The following ANGEL2 variants were observed in gnomAD, a reference collection of about 807,000 sequenced individuals.
ANGEL2 encodes RNA 2',3'-cyclic phosphatase ANGEL2.
A neutral mutation model predicts 66.0 loss-of-function variants in ANGEL2; 41 were observed. That is an observed-to-expected ratio of 0.62 (90% CI 0.48 to 0.81). The LOEUF is 0.81. Ranked by LOEUF, ANGEL2 falls within the 30% of genes least tolerant of loss-of-function variation. The probability of loss-of-function intolerance (pLI) is 0.00; values close to 1 mark genes in which losing one functional copy is unlikely to be tolerated. For synonymous variants in ANGEL2, 208 were observed against 226.5 expected (o/e 0.92, Z 0.73); for missense variants, 561 against 641.6 (o/e 0.87, Z 1.36).
rs193189453 is a variant in ANGEL2 at position 213,000,751 on chromosome 1, C to T, written c.1261+35G>A. 2.6e-3 allele frequency: 4,159 copies of T among 1,577,442 alleles called. 64 individuals are homozygous for T. The South Asian group carries it at 0.028, about 11-fold the overall frequency. On this transcript the variant is annotated intron_variant, in intron 6 of 8. Transcript: ENST00000366962. The stretch of plus-strand genomic sequence containing the variant: ...ATGTCTTCAAAGGGAACATGATTAC[C>T]CAGCAGACTGCCAAAATGTATTACA...
At chr1:213,004,472 G>A (rs1379792932) in intron 5 of ANGEL2, among the ~76,000 whole-genome samples, 2 of 151,306 alleles carry the variant, frequency 1.3e-5, no homozygotes, top group Non-Finnish European at 2.9e-5. Flanking sequence ...AAGTATCCAT[G>A]TCTGTCAATA....
At chr1:213,014,662 C>T (rs549614693) in intron 1 of ANGEL2, among the ~76,000 whole-genome samples, 1 of 152,240 alleles carries the variant, frequency 6.6e-6, no homozygotes, top group Non-Finnish European at 1.5e-5. Flanking sequence ...ATGTTAAGCT[C>T]CTTCAGGGCC....
rs1322288499 is a variant in ANGEL2, at chr1:212,997,212, T to C, written c.1426A>G (p.Ile476Val). The C allele has an allele frequency of 8.1e-6, 13 of 1,614,094 alleles. No individual in the cohort carries two copies. The highest frequency in any genetic ancestry group is 5.0e-5 in the Admixed American group (3 of 60,018). Residue 476 changes from isoleucine to valine, a missense_variant, in exon 8 of 9, where the codon ATA becomes GTA. By Grantham distance (29) the Ile-to-Val change is conservative. Transcript: ENST00000366962. ...GAGTAGAAAATATAATCCACAGTTA[T>C]GGCACTTCGGGAATGACAGGTGGTC... ...EVTTCHSRSA[I>V]TVDYIFYSAE...
chr1:213,001,154 A>G (rs2076167822), intron 5 of ANGEL2: 3 of 445,908 alleles, frequency 6.7e-6, no homozygotes, highest in Non-Finnish European at 1.2e-5. Flanking sequence ...TAATTTGGAC[A>G]TACAAATCAT....
chr1:213,011,290 TTTAGG>T (rs2076502259), intron 2 of ANGEL2: 2 of 1,279,862 alleles, frequency 1.6e-6, no homozygotes, highest in Non-Finnish European at 2.0e-6. Context: ...TGATCAGGTT[TTTAGG>T]GTGCCTAATT....
chr1:213,008,190 C>T lies in ANGEL2; in HGVS notation c.642+20G>A, dbSNP rs1297453268. 6.2e-7 allele frequency: 1 copy of T among 1,602,784 alleles called. No homozygotes were observed. Among genetic ancestry groups the T allele is most frequent in the Non-Finnish European group, 8.5e-7 (1 of 1,173,552 alleles). ...CAACTTTTTCTTATGTGAAGAATTT[C>T]AATAATATTTTGCACTTACGTCTGC... On this transcript the variant is annotated intron_variant, in intron 3 of 8. Coordinates refer to ENST00000366962, the MANE Select transcript of ANGEL2 (RefSeq NM_144567.5).
At chr1:212,995,860 C>T (rs1049110885) in intron 8 of ANGEL2, among the ~76,000 whole-genome samples, 1 of 151,620 alleles carries the variant, frequency 6.6e-6, no homozygotes, top group African/African-American at 2.4e-5. Context: ...GAAAAAGAAG[C>T]ATCCAAAAAA....
In ANGEL2 at chr1:213,000,802, T is replaced by C; in HGVS notation, c.1245A>G (p.Pro415=). The change falls in exon 6 of 9, where the codon CCA becomes CCG. Residue 415 remains proline, a synonymous_variant. Transcript: ENST00000366962. ...AACACTTACCTGTCTTTTCTACTTT[T>C]GGTACCTGCTGTACCTCATACACAC... ...QNCVYEVQQV[P]KVEKTDSDLT... The C allele has an allele frequency of 6.2e-7, 1 of 1,606,346 alleles. No individual in the cohort carries two copies.
chr1:212,998,174 T>C lies in ANGEL2; in HGVS notation c.1320-856A>G, dbSNP rs373663182. ...GGGAAGCCAAGGCGGGAAGATTGCT[T>C]GAGCTCAGGAGCTCGAGACCAGCCT... On this transcript the variant is annotated intron_variant, in intron 7 of 8. Transcript: ENST00000366962. Among the ~76,000 whole-genome samples the C allele has an allele frequency of 9.9e-5, 15 of 151,410 alleles. No homozygotes were observed. The South Asian group carries it at 3.1e-3, about 32-fold the overall frequency.
chr1:213,015,513 T>TC, intron 1 of ANGEL2, 100 bp downstream of exon 1: 5 of 1,002,092 alleles, frequency 5.0e-6, no homozygotes, highest in South Asian at 3.0e-5. Flanking sequence ...CTTCCACCCC[T>TC]AGCCCGCCCC....
chr1:213,000,471 T>A (rs369007535), intron 6 of ANGEL2, 88 bp from the exon 7 acceptor site: 2 of 1,189,968 alleles, frequency 1.7e-6, no homozygotes, highest in African/African-American at 3.1e-5. Flanking sequence ...ATTTAAGACT[T>A]ATCTAGGTTA....
At position 213,015,639 on chromosome 1, in the gene ANGEL2, G is replaced by A. The variant is rs908844293; in HGVS notation, c.33C>T (p.Tyr11=). Residue 11 remains tyrosine (Y), a synonymous_variant, in exon 1 of 9, where the codon TAC becomes TAT. Coordinates refer to ENST00000366962, the MANE Select transcript of ANGEL2 (RefSeq NM_144567.5). ...GGCCTCTTCCCACCACACAGTGGCC[G>A]TAGCCCTTCCTCACACAGCGCCAGG... is the stretch of plus-strand genomic sequence containing the variant. MEAWRCVRKG[Y]GHCVVGRGRY... 1.2e-6 allele frequency: 2 copies of A among 1,612,114 alleles called. No individual in the cohort carries two copies. Among genetic ancestry groups the A allele is most frequent in the South Asian group, 1.1e-5 (1 of 91,014 alleles).
intron 8 of ANGEL2, among the ~76,000 whole-genome samples, chr1:212,996,655 ATATATATATATATATACT>A (rs1332583799): frequency 2.9e-4 from 40 of 138,434 alleles, no homozygotes; most frequent in African/African-American, 8.2e-4. Flanking sequence ...ATATATATAT[ATATATATATATATATACT>A]TTTCCTCCTC....
chr1:212,995,348 A>T (rs1476616369), intron 8 of ANGEL2, among the ~76,000 whole-genome samples, 156 bp from the exon 9 acceptor site: 10 of 152,258 alleles, frequency 6.6e-5, no homozygotes, highest in Non-Finnish European at 1.3e-4. Context: ...AGCTTTATTG[A>T]ATTATAACCT....
chr1:213,015,267 C>G, intron 1 of ANGEL2: 1 of 1,109,604 alleles, frequency 9.0e-7, no homozygotes, highest in Non-Finnish European at 1.1e-6. Flanking sequence ...GTTCCCGGGA[C>G]GGTGCTGCGG....
In ANGEL2 at chr1:213,000,387, TAAG is replaced by T. The variant is rs748265065; in HGVS notation, c.1262-7_1262-5del. On this transcript the variant is annotated splice_polypyrimidine_tract_variant and splice_region_variant and intron_variant, in intron 6 of 8. Coordinates refer to ENST00000366962, the MANE Select transcript of ANGEL2 (RefSeq NM_144567.5). ...TGTGTTTGTGTCAGATCACTGTCTG[TAAG>T]AATAGAGGAAAATATATTAATGTTA... The T allele has an allele frequency of 1.6e-4, 252 of 1,611,424 alleles. 1 individual carries two copies. In the African/African-American group the frequency reaches 3.0e-3, roughly 19 times the overall value.
chr1:213,007,862 T>A (rs1177285822), intron 3 of ANGEL2, among the ~76,000 whole-genome samples: 1 of 141,704 alleles, frequency 7.1e-6, no homozygotes, highest in African/African-American at 2.5e-5. Context: ...TTTTTCTTTC[T>A]TTCTTTTTTT....
chr1:213,013,445 G>T, intron 1 of ANGEL2, 27 bp from the exon 2 acceptor site: 1 of 1,567,400 alleles, frequency 6.4e-7, no homozygotes, highest in African/African-American at 1.4e-5. Flanking sequence ...CACTCCTTGA[G>T]GCACCACTTT....
intron 1 of ANGEL2, 40 bp downstream of exon 1, chr1:213,015,573 C>T (rs1337193782): frequency 6.2e-7 from 1 of 1,609,316 alleles, no homozygotes; most frequent in Non-Finnish European, 8.5e-7. Flanking sequence ...TCAGGCCGCC[C>T]GCCCCTCTCT....
Sources: allele counts gnomAD v4.1 joint callset (sites outside exome capture counted in the v4.1 genomes callset), GRCh38; gene constraint gnomAD v4.1.1; transcripts MANE v1.5; gene names NCBI Gene and HGNC (gene_info 2026-07-23, HGNC 2026-07-21).